The following C8orf34 variants were observed in gnomAD, a reference collection of about 807,000 sequenced individuals.
C8orf34 encodes the protein uncharacterized protein C8orf34.
Under a neutral mutation model 68.3 loss-of-function variants are expected in C8orf34, and 65 were observed. The ratio of observed to expected loss-of-function variants is 0.95; its 90% CI spans 0.78 to 1.17. The LOEUF (loss-of-function observed/expected upper bound fraction) is 1.17. Among genes scored for constraint, C8orf34 ranks in the 50% most tolerant of loss-of-function variants. The pLI, the probability that C8orf34 is intolerant of heterozygous loss-of-function variation, is 0.00. For missense variants in C8orf34, 664 were observed against 655.4 expected (o/e 1.01, Z -0.14); for synonymous variants, 244 against 241.2 (o/e 1.01, Z -0.11).
intron 8 of C8orf34, among the ~76,000 whole-genome samples, chr8:68,655,464 C>G (rs1819485247): frequency 6.6e-6 from 1 of 152,146 alleles, no homozygotes; most frequent in Non-Finnish European, 1.5e-5. Flanking sequence ...CCATTTTTCA[C>G]TTTAGAATGG....
intron 7 of C8orf34, among the ~76,000 whole-genome samples, chr8:68,556,019 A>T (rs1441340430): frequency 8.5e-5 from 13 of 152,290 alleles, no homozygotes; most frequent in Non-Finnish European, 4.4e-5. Context: ...ATTTTGTGAC[A>T]GTCAGTCAGC....
chr8:68,520,452 A>T (rs901674802), intron 5 of C8orf34, among the ~76,000 whole-genome samples: 2 of 151,764 alleles, frequency 1.3e-5, no homozygotes, highest in Non-Finnish European at 2.9e-5. Context: ...TTTTTTTTAA[A>T]TTTTATTTTT....
In C8orf34 at chr8:68,741,614, A is replaced by C. The variant is rs368778881; in HGVS notation, c.1404+20177A>C. Among the ~76,000 whole-genome samples, 831 of 152,126 alleles carry C rather than the reference A, an allele frequency of 5.5e-3. 17 individuals are homozygous for C. Among genetic ancestry groups the C allele is most frequent in the African/African-American group, 0.019 (779 of 41,522 alleles). ...AATTATCTTCAGTTCCCTCCACCCC[A>C]CCCCATACTAACTTTCCTAGCCTCT... On this transcript the variant is annotated intron_variant, in intron 10 of 13. Coordinates refer to ENST00000518698, the MANE Select transcript of C8orf34 (RefSeq NM_052958.4).
chr8:68,705,932 G>A (rs6651315), intron 8 of C8orf34, among the ~76,000 whole-genome samples: 45,995 of 152,118 alleles, frequency 0.3, 7,957 homozygotes, highest in East Asian at 0.54. Flanking sequence ...CGCTCTGCGC[G>A]TTGGAAAGGT....
intron 7 of C8orf34, among the ~76,000 whole-genome samples, chr8:68,587,327 GAAAT>G (rs1179206048): frequency 3.9e-5 from 6 of 152,056 alleles, no homozygotes; most frequent in Non-Finnish European, 7.4e-5. Flanking sequence ...ATAAGTAATA[GAAAT>G]AAATAAATAA....
At chr8:68,750,584 T>C (rs573987078) in intron 10 of C8orf34, among the ~76,000 whole-genome samples, 1 of 152,252 alleles carries the variant, frequency 6.6e-6, no homozygotes, top group Non-Finnish European at 1.5e-5. Context: ...AATCTTAACT[T>C]TAAAATATAA....
chr8:68,744,119 G>A (rs971826470), intron 10 of C8orf34, among the ~76,000 whole-genome samples: 5 of 152,164 alleles, frequency 3.3e-5, no homozygotes, highest in African/African-American at 4.8e-5. Flanking sequence ...ACCCAGCAGG[G>A]GCAGACTGAC....
At chr8:68,795,937 CTTTAATTCAAGTGAA>C (rs1695325060) in intron 12 of C8orf34, among the ~76,000 whole-genome samples, 1 of 152,168 alleles carries the variant, frequency 6.6e-6, no homozygotes, top group African/African-American at 2.4e-5. Flanking sequence ...ACTGAGTGAG[CTTTAATTCAAGTGAA>C]ATAAAGAACA....
At chr8:68,424,529 A>C (rs1420961291) in intron 1 of C8orf34, among the ~76,000 whole-genome samples, 1 of 152,174 alleles carries the variant, frequency 6.6e-6, no homozygotes, top group Non-Finnish European at 1.5e-5. Context: ...TCAGGCAAGG[A>C]TTTTAAAGCA....
chr8:68,402,414 G>C (rs577449613), intron 1 of C8orf34, among the ~76,000 whole-genome samples: 1 of 151,690 alleles, frequency 6.6e-6, no homozygotes, highest in African/African-American at 2.4e-5. Context: ...ATTTAGTTCT[G>C]CTCTGATCAT....
At chr8:68,580,507 A>G (rs1391887627) in intron 7 of C8orf34, among the ~76,000 whole-genome samples, 1 of 152,148 alleles carries the variant, frequency 6.6e-6, no homozygotes, top group Non-Finnish European at 1.5e-5. Context: ...CAATGATAAC[A>G]TTACACTTAT....
intron 3 of C8orf34, 135 bp from the exon 4 acceptor site, chr8:68,468,557 C>T: frequency 1.2e-6 from 1 of 806,686 alleles, no homozygotes; most frequent in Non-Finnish European, 1.8e-6. Context: ...TTTTTTCTCA[C>T]AAGCAAACCA....
intron 5 of C8orf34, among the ~76,000 whole-genome samples, chr8:68,491,780 T>A (rs1227755464): frequency 1.3e-5 from 2 of 152,184 alleles, no homozygotes; most frequent in African/African-American, 4.8e-5. Flanking sequence ...AGGTTTCGGG[T>A]ATTAGGACAT....
chr8:68,400,673 G>C lies in C8orf34; in HGVS notation c.328-38826G>C, dbSNP rs571967533. Among the ~76,000 whole-genome samples the C allele has an allele frequency of 3.3e-5, 5 of 152,228 alleles. No individual in the cohort carries two copies. In the East Asian group the frequency reaches 7.8e-4, roughly 24 times the overall value. On this transcript the variant is annotated intron_variant, in intron 1 of 13. Coordinates refer to ENST00000518698, the MANE Select transcript of C8orf34 (RefSeq NM_052958.4). ...ACTCCTGGGCTTAGGTGATCCTCCT[G>C]CCTCAGCCTTCTGAGTAGCTAGGAC...
chr8:68,439,556 G>T lies in C8orf34; in HGVS notation c.385G>T (p.Asp129Tyr). Residue 129 changes from aspartate to tyrosine, a missense_variant, in exon 2 of 14, where the codon GAC (aspartate) becomes TAC (tyrosine). Asp to Tyr is a radical substitution (Grantham distance 160). Coordinates refer to ENST00000518698, the MANE Select transcript of C8orf34 (RefSeq NM_052958.4). Reference protein sequence around the residue: ...TPDQPIPFLIDHLQSKQGNRG... With the variant: ...TPDQPIPFLIYHLQSKQGNRG... ...TGACCAGCCAATCCCATTTCTCATT[G>T]ACCATCTTCAGTCTAAACAAGGGAA... 1 of 1,613,560 alleles carries T rather than the reference G, an allele frequency of 6.2e-7. No homozygotes were observed. The highest frequency in any genetic ancestry group is 1.1e-5 in the South Asian group (1 of 91,022).
intron 12 of C8orf34, among the ~76,000 whole-genome samples, chr8:68,801,068 A>G (rs1425516490): frequency 6.6e-6 from 1 of 152,156 alleles, no homozygotes; most frequent in Admixed American, 6.5e-5. Flanking sequence ...CTATTTTGGA[A>G]TGGCTTACTG....
rs36042681 is a variant in C8orf34 at position 68,572,234 on chromosome 8, G to GACAC, written c.1105+39113_1105+39116dup. On this transcript the variant is annotated intron_variant, in intron 7 of 13. Coordinates refer to ENST00000518698, the MANE Select transcript of C8orf34 (RefSeq NM_052958.4). ...TGTGGATGTGGTGCATGACTGTATA[G>GACAC]ACACACACACACACACACACACACA... Among the ~76,000 whole-genome samples the GACAC allele has an allele frequency of 6.5e-3, 945 of 145,306 alleles. 15 individuals carry two copies. The highest frequency in any genetic ancestry group is 0.043 in the Admixed American group (625 of 14,408).
At chr8:68,461,473 C>A (rs1811822317) in intron 3 of C8orf34, among the ~76,000 whole-genome samples, 1 of 151,978 alleles carries the variant, frequency 6.6e-6, no homozygotes, top group Non-Finnish European at 1.5e-5. Context: ...AAGAGCAACT[C>A]CAAGACATAT....
intron 2 of C8orf34, 29 bp downstream of exon 2, chr8:68,439,675 T>G (rs1810817246): frequency 2.5e-6 from 4 of 1,584,654 alleles, no homozygotes; most frequent in Non-Finnish European, 2.6e-6. Flanking sequence ...TGCAGTTAAT[T>G]TGGGATTCAT....
Sources: allele counts gnomAD v4.1 joint callset (sites outside exome capture counted in the v4.1 genomes callset), GRCh38; gene constraint gnomAD v4.1.1; transcripts MANE v1.5; gene names NCBI Gene and HGNC (gene_info 2026-07-23, HGNC 2026-07-21).